Variants in CA10 observed in about 807,000 individuals in gnomAD.
CA10 encodes carbonic anhydrase-related protein 10.
A neutral mutation model predicts 44.2 loss-of-function variants in CA10; 14 were observed. The ratio of observed to expected loss-of-function variants is 0.32; its 90% CI spans 0.21 to 0.50. The LOEUF is 0.50. CA10 is among the 20% of genes least tolerant of loss of function. CA10 has a pLI of 0.99. For missense variants in CA10, 350 were observed against 409.7 expected, an observed-to-expected ratio of 0.85 and a Z score of 1.26; for synonymous variants, 159 against 141.6, an observed-to-expected ratio of 1.12 and a Z score of -0.87.
intron 1 of CA10, among the ~76,000 whole-genome samples, chr17:52,108,194 T>TTATA (rs71149392): frequency 3.3e-4 from 19 of 57,988 alleles, no homozygotes; most frequent in Middle Eastern, 0.013. Flanking sequence ...TATATATTTT[T>TTATA]TATATATATA....
chr17:52,144,587 T>G lies in CA10; in HGVS notation c.61+13139A>C, dbSNP rs150469046. Among the ~76,000 whole-genome samples the G allele has an allele frequency of 6.6e-5, 10 of 152,322 alleles. No individual in the cohort carries two copies. The East Asian group carries it at 1.9e-3, about 29-fold the overall frequency. On this transcript the variant is annotated intron_variant, in intron 1 of 8. Coordinates refer to ENST00000451037, the MANE Select transcript of CA10 (RefSeq NM_020178.5). ...AGATGATGCTATGAAAAGACATGAT[T>G]ATCTCCCTTCTTATTACCTTTAAAA... is the stretch of plus-strand genomic sequence containing the variant.
chr17:51,790,165 A>G lies in CA10; in HGVS notation c.280-42347T>C, dbSNP rs200085796. 4.6e-5 allele frequency among the ~76,000 whole-genome samples: 7 copies of G among 152,150 alleles called. No individual in the cohort carries two copies. In the East Asian group the frequency reaches 1.4e-3, roughly 29 times the overall value. On this transcript the variant is annotated intron_variant, in intron 3 of 8. Coordinates refer to ENST00000451037, the MANE Select transcript of CA10 (RefSeq NM_020178.5). The stretch of plus-strand genomic sequence containing the variant: ...TGAGTGGTAGCTTTCTAAATCTGCA[A>G]AAACTAGAGTTTCCAGAGCCAGGGA...
intron 4 of CA10, among the ~76,000 whole-genome samples, chr17:51,686,912 C>T (rs761016146): frequency 1.3e-5 from 2 of 152,164 alleles, no homozygotes; most frequent in South Asian, 2.1e-4. Context: ...AAACATCCAA[C>T]GTCATTCTAC....
chr17:51,824,961 CCACTGTCTA>C (rs1406438367), intron 3 of CA10, among the ~76,000 whole-genome samples: 2 of 152,210 alleles, frequency 1.3e-5, no homozygotes, highest in Non-Finnish European at 2.9e-5. Flanking sequence ...TTTGTTAGTA[CCACTGTCTA>C]TACTGCCTGC....
chr17:52,143,259 T>G (rs1420047025), intron 1 of CA10, among the ~76,000 whole-genome samples: 1 of 152,188 alleles, frequency 6.6e-6, no homozygotes, highest in Non-Finnish European at 1.5e-5. Flanking sequence ...GGATGTTGCT[T>G]TAATGAACAC....
intron 3 of CA10, among the ~76,000 whole-genome samples, chr17:51,759,801 T>A (rs761563308): frequency 1.3e-5 from 2 of 148,516 alleles, no homozygotes; most frequent in African/African-American, 5.1e-5. Flanking sequence ...ATAGAGTGAC[T>A]TTTTTTTTAT....
Position 51,814,553 on chromosome 17 carries a change from G to A in CA10, c.280-66735C>T, listed in dbSNP as rs550147093. ...AACCTGCTTAATTTTGTTTAAATAT[G>A]TTTGCTGAAACATATAACCATGAAA... On this transcript the variant is annotated intron_variant, in intron 3 of 8. Transcript: ENST00000451037. Among the ~76,000 whole-genome samples, 13 of 152,280 alleles carry A rather than the reference G, an allele frequency of 8.5e-5. No individual in the cohort carries two copies. The South Asian group carries it at 2.7e-3, about 32-fold the overall frequency.
At chr17:51,951,521 A>G (rs1983482716) in intron 2 of CA10, among the ~76,000 whole-genome samples, 1 of 152,184 alleles carries the variant, frequency 6.6e-6, no homozygotes, top group Non-Finnish European at 1.5e-5. Context: ...ATCTTTGGTA[A>G]CAACATCCCT....
At chr17:51,701,766 A>G (rs530071983) in intron 4 of CA10, among the ~76,000 whole-genome samples, 2 of 152,362 alleles carry the variant, frequency 1.3e-5, no homozygotes, top group African/African-American at 4.8e-5. Context: ...CAAATTAGAC[A>G]TTCTATCAAA....
intron 6 of CA10, among the ~76,000 whole-genome samples, chr17:51,642,210 G>A (rs1913118542): frequency 6.6e-6 from 1 of 152,174 alleles, no homozygotes; most frequent in African/African-American, 2.4e-5. Context: ...CATGGAAAGT[G>A]GTGTGCTGCG....
intron 1 of CA10, among the ~76,000 whole-genome samples, chr17:52,144,813 GC>G (rs1426019283): frequency 6.6e-6 from 1 of 152,122 alleles, no homozygotes. Context: ...CATATCGAAA[GC>G]AAAAGCCACC....
chr17:51,828,471 G>A (rs1908114133), intron 3 of CA10, among the ~76,000 whole-genome samples: 1 of 151,982 alleles, frequency 6.6e-6, no homozygotes, highest in South Asian at 2.1e-4. Context: ...AGACCTTAAT[G>A]TATTATTGTC....
At chr17:51,680,455 G>A (rs999936405) in intron 4 of CA10, among the ~76,000 whole-genome samples, 5 of 152,208 alleles carry the variant, frequency 3.3e-5, no homozygotes. Flanking sequence ...CAAGTGTATG[G>A]TGGACTACAT....
At chr17:51,974,948 G>C (rs1279618590) in intron 2 of CA10, among the ~76,000 whole-genome samples, 1 of 152,162 alleles carries the variant, frequency 6.6e-6, no homozygotes, top group East Asian at 1.9e-4. Context: ...ATATTTTTAT[G>C]TTAAAGGACG....
intron 7 of CA10, among the ~76,000 whole-genome samples, chr17:51,634,112 C>T (rs922383898): frequency 8.5e-5 from 13 of 152,154 alleles, no homozygotes; most frequent in African/African-American, 3.1e-4. Context: ...GGTGGCTGGA[C>T]TGTTTGCAGC....
chr17:51,850,285 T>G (rs916224395), intron 3 of CA10, among the ~76,000 whole-genome samples: 3 of 152,192 alleles, frequency 2.0e-5, no homozygotes, highest in African/African-American at 7.2e-5. Flanking sequence ...ATAATGTATA[T>G]AAAGTAGAGG....
chr17:51,855,845 G>A (rs1194652160), intron 3 of CA10, among the ~76,000 whole-genome samples: 2 of 152,180 alleles, frequency 1.3e-5, no homozygotes, highest in Non-Finnish European at 2.9e-5. Flanking sequence ...TACAGAAAGT[G>A]GCCACAAGGT....
intron 3 of CA10, among the ~76,000 whole-genome samples, chr17:51,756,475 T>G (rs1413473601): frequency 6.7e-6 from 1 of 148,960 alleles, no homozygotes. Flanking sequence ...GGTAGTTGTT[T>G]TTTTTTTTTT....
Position 51,664,750 on chromosome 17 carries a change from T to C in CA10, c.466-11014A>G, listed in dbSNP as rs1395002537. Reference sequence around the variant, plus strand: ...GCAATGTGGTGTCCAGAGGGCAATGTGATTGAATGATATTTCGGGAGACCA... The same window carrying C: ...GCAATGTGGTGTCCAGAGGGCAATGCGATTGAATGATATTTCGGGAGACCA... On this transcript the variant is annotated intron_variant, in intron 4 of 8. Coordinates refer to ENST00000451037, the MANE Select transcript of CA10 (RefSeq NM_020178.5). Among the ~76,000 whole-genome samples, 4 of 152,130 alleles carry C rather than the reference T, an allele frequency of 2.6e-5. No homozygotes were observed. In the East Asian group the frequency reaches 7.7e-4, roughly 29 times the overall value.
Sources: allele counts gnomAD v4.1 joint callset (sites outside exome capture counted in the v4.1 genomes callset), GRCh38; gene constraint gnomAD v4.1.1; transcripts MANE v1.5; gene names NCBI Gene and HGNC (gene_info 2026-07-23, HGNC 2026-07-21).